The following CPNE4 variants were observed in gnomAD, a reference collection of about 807,000 sequenced individuals.
The protein encoded by CPNE4 is copine-4.
Under a neutral mutation model 67.9 loss-of-function variants are expected in CPNE4, and 25 were observed. The ratio of observed to expected loss-of-function variants is 0.37; its 90% CI spans 0.27 to 0.51. CPNE4 has a LOEUF of 0.51. CPNE4 is among the 20% of genes least tolerant of loss of function. The pLI is 0.93. For synonymous variants in CPNE4, 242 were observed against 244.9 expected, an observed-to-expected ratio of 0.99 and a Z score of 0.11; for missense variants, 464 against 690.8, an observed-to-expected ratio of 0.67 and a Z score of 3.68.
chr3:131,906,669 T>C lies in CPNE4; in HGVS notation c.-1-1225A>G, dbSNP rs2088780148. Among the ~76,000 whole-genome samples, 4 of 152,080 alleles carry C rather than the reference T, an allele frequency of 2.6e-5. No homozygotes were observed. The South Asian group carries it at 8.3e-4, about 32-fold the overall frequency. ...GTCTATCATTGTTGGACATTTGGGTTGTTTCCAAGTCTTTGCTATCGTGAA... is the reference window on the plus strand; with the variant it reads ...GTCTATCATTGTTGGACATTTGGGTCGTTTCCAAGTCTTTGCTATCGTGAA... On this transcript the variant is annotated intron_variant, in intron 1 of 15. Coordinates refer to ENST00000429747, the MANE Select transcript of CPNE4 (RefSeq NM_130808.3).
chr3:131,821,512 G>C (rs1375627312), intron 2 of CPNE4, among the ~76,000 whole-genome samples: 1 of 152,018 alleles, frequency 6.6e-6, no homozygotes, highest in Non-Finnish European at 1.5e-5. Context: ...CAAGATGAAA[G>C]GCCTGGAGAA....
intron 1 of CPNE4, among the ~76,000 whole-genome samples, chr3:132,032,278 T>A (rs1191081049): frequency 6.6e-6 from 1 of 152,168 alleles, no homozygotes; most frequent in Non-Finnish European, 1.5e-5. Flanking sequence ...TCAAATATGC[T>A]GGGCCTGTGT....
intron 2 of CPNE4, among the ~76,000 whole-genome samples, chr3:131,831,630 G>A (rs1340564594): frequency 3.3e-5 from 5 of 152,072 alleles, no homozygotes; most frequent in African/African-American, 1.2e-4. Flanking sequence ...AGAAACATAC[G>A]CTGTAATATA....
At chr3:132,005,637 T>C (rs950849634) in intron 1 of CPNE4, among the ~76,000 whole-genome samples, 2 of 151,832 alleles carry the variant, frequency 1.3e-5, no homozygotes, top group Admixed American at 6.6e-5. Flanking sequence ...GAAATTATAG[T>C]CATTCCCCAG....
chr3:131,973,642 T>C (rs1376861268), intron 1 of CPNE4, among the ~76,000 whole-genome samples: 2 of 152,166 alleles, frequency 1.3e-5, no homozygotes, highest in Non-Finnish European at 2.9e-5. Flanking sequence ...GGCAATTTGA[T>C]ACCAGTATTA....
intron 1 of CPNE4, among the ~76,000 whole-genome samples, chr3:131,921,388 C>T (rs928526437): frequency 2.0e-5 from 3 of 152,122 alleles, no homozygotes; most frequent in East Asian, 3.9e-4. Flanking sequence ...CCCTAAAATT[C>T]AACTTATTGA....
At chr3:131,676,709 A>G (rs2080580071) in intron 6 of CPNE4, among the ~76,000 whole-genome samples, 1 of 152,110 alleles carries the variant, frequency 6.6e-6, no homozygotes, top group African/African-American at 2.4e-5. Context: ...CAAAAACATG[A>G]TCTCATTCTT....
At chr3:131,632,390 G>C (rs1184073106) in intron 7 of CPNE4, among the ~76,000 whole-genome samples, 4 of 152,132 alleles carry the variant, frequency 2.6e-5, no homozygotes, top group African/African-American at 9.7e-5. Flanking sequence ...AAAACTCAGA[G>C]AGGCTAAGTA....
intron 3 of CPNE4, among the ~76,000 whole-genome samples, chr3:131,722,849 C>T (rs768077267): frequency 6.6e-5 from 10 of 152,218 alleles, no homozygotes; most frequent in Non-Finnish European, 1.3e-4. Flanking sequence ...AGAGTCCTAA[C>T]ACTGCTACTT....
At chr3:131,814,945 G>C (rs1346419072) in intron 2 of CPNE4, among the ~76,000 whole-genome samples, 1 of 152,162 alleles carries the variant, frequency 6.6e-6, no homozygotes, top group African/African-American at 2.4e-5. Context: ...CCATCTCAGA[G>C]AGATGATCTG....
intron 2 of CPNE4, among the ~76,000 whole-genome samples, chr3:131,745,076 C>A (rs1489470994): frequency 1.3e-5 from 2 of 152,132 alleles, no homozygotes; most frequent in Admixed American, 6.5e-5. Context: ...TCAGTTTCTC[C>A]AAATCTCCAA....
intron 7 of CPNE4, among the ~76,000 whole-genome samples, chr3:131,666,735 A>T (rs1227148659): frequency 6.6e-6 from 1 of 152,214 alleles, no homozygotes; most frequent in Non-Finnish European, 1.5e-5. Context: ...ATTTATAGGA[A>T]ACACAGAATG....
Position 131,831,369 on chromosome 3 carries a change from T to G in CPNE4, c.180+73895A>C, listed in dbSNP as rs143205482. Among the ~76,000 whole-genome samples the G allele has an allele frequency of 3.3e-4, 51 of 152,284 alleles. No individual in the cohort carries two copies. In the East Asian group the frequency reaches 9.6e-3, roughly 29 times the overall value. ...TTCAAATGTCACCATTACTTATATT[T>G]AGATGCTGTTTTTTCTTTAAATTGA... On this transcript the variant is annotated intron_variant, in intron 2 of 15. Coordinates refer to ENST00000429747, the MANE Select transcript of CPNE4 (RefSeq NM_130808.3).
At chr3:132,019,098 T>TC (rs2073942714) in intron 1 of CPNE4, among the ~76,000 whole-genome samples, 2 of 17,464 alleles carry the variant, frequency 1.1e-4, no homozygotes, top group South Asian at 5.7e-3. Context: ...CTTGAAAAGA[T>TC]TTCCTTTATT....
chr3:131,594,807 G>T (rs530306034), intron 7 of CPNE4, among the ~76,000 whole-genome samples: 1 of 152,170 alleles, frequency 6.6e-6, no homozygotes, highest in South Asian at 2.1e-4. Flanking sequence ...ATCTCATAAA[G>T]GTTTAATTGT....
In CPNE4 at chr3:131,587,509, A is replaced by G; in HGVS notation, c.755T>C (p.Met252Thr). 1 of 1,613,732 alleles carries G rather than the reference A, an allele frequency of 6.2e-7. No individual in the cohort carries two copies. Among genetic ancestry groups the G allele is most frequent in the East Asian group, 2.2e-5 (1 of 44,868 alleles). Residue 252 changes from methionine (M) to threonine (T), a missense_variant, in exon 8 of 16, where the codon ATG (methionine) becomes ACG (threonine). This residue lies in a region of CPNE4 where 26 missense variants were observed against 24.0 expected (regional missense o/e 1.08). Transcript: ENST00000429747. ...IGEFTSTFKE[M>T]RGAMEGKQVQ... ...CTGTTTCCCTTCCATTGCTCCTCTC[A>G]TCTCCTTGAATGTCGAGGTGAATTC...
chr3:131,739,446 G>A (rs1279977577), intron 2 of CPNE4, among the ~76,000 whole-genome samples: 2 of 152,160 alleles, frequency 1.3e-5, no homozygotes, highest in Non-Finnish European at 2.9e-5. Flanking sequence ...CCCTGTGGCT[G>A]TGCTTCCTGT....
chr3:131,610,419 C>T (rs993180282), intron 7 of CPNE4, among the ~76,000 whole-genome samples: 10 of 152,172 alleles, frequency 6.6e-5, no homozygotes, highest in Non-Finnish European at 1.5e-5. Context: ...TGTCTTTTCT[C>T]TCTCAACACT....
intron 2 of CPNE4, among the ~76,000 whole-genome samples, chr3:131,794,560 G>A (rs749339200): frequency 6.6e-6 from 1 of 152,080 alleles, no homozygotes; most frequent in Non-Finnish European, 1.5e-5. Flanking sequence ...GCATTTCTAG[G>A]GATGTGGTTG....
Sources: allele counts gnomAD v4.1 joint callset (sites outside exome capture counted in the v4.1 genomes callset), GRCh38; gene constraint gnomAD v4.1.1; regional missense constraint gnomAD v4.1.1; transcripts MANE v1.5; gene names NCBI Gene and HGNC (gene_info 2026-07-23, HGNC 2026-07-21).